The following P3H2 variants were observed in gnomAD, a reference collection of about 807,000 sequenced individuals.
P3H2 encodes the protein leprecan-like 1.
In P3H2, 80 loss-of-function variants were observed where a neutral mutation model predicts 87.0. That is an observed-to-expected ratio of 0.92 (90% CI 0.77 to 1.11). The LOEUF (loss-of-function observed/expected upper bound fraction) is 1.11. P3H2 is among the 50% of genes least tolerant of loss of function. P3H2 has a pLI of 0.00. For synonymous variants in P3H2, 367 were observed against 359.3 expected, an observed-to-expected ratio of 1.02 and a Z score of -0.24; for missense variants, 1,001 against 923.9, an observed-to-expected ratio of 1.08 and a Z score of -1.08.
At position 189,988,824 on chromosome 3, in the gene P3H2, GA is replaced by G; in HGVS notation, c.955+82del. On this transcript the variant is annotated intron_variant, in intron 4 of 14. Coordinates refer to ENST00000319332, the MANE Select transcript of P3H2 (RefSeq NM_018192.4). ...CTTTCATAATAAACTGAAGAAGTCA[GA>G]AAACTCAATTACAAAAATGTGATGT... 2.6e-6 allele frequency: 4 copies of G among 1,538,802 alleles called. No individual in the cohort carries two copies. In the Admixed American group the frequency reaches 6.7e-5, roughly 26 times the overall value.
chr3:190,049,978 T>C (rs1725927606), intron 1 of P3H2, among the ~76,000 whole-genome samples: 1 of 152,070 alleles, frequency 6.6e-6, no homozygotes, highest in Non-Finnish European at 1.5e-5. Context: ...ATTCAAGAGG[T>C]CAACATACTC....
At chr3:190,058,775 G>A (rs1162171998) in intron 1 of P3H2, among the ~76,000 whole-genome samples, 4 of 152,130 alleles carry the variant, frequency 2.6e-5, no homozygotes, top group African/African-American at 9.7e-5. Flanking sequence ...ACAGTGTTCT[G>A]TCCCTGATAA....
rs552793283 is a variant in P3H2 at position 190,117,485 on chromosome 3, T to G, written c.480+2767A>C. Among the ~76,000 whole-genome samples, 483 of 152,218 alleles carry G rather than the reference T, an allele frequency of 3.2e-3. 4 individuals carry two copies. The highest frequency in any genetic ancestry group is 0.011 in the African/African-American group (467 of 41,540). On this transcript the variant is annotated intron_variant, in intron 1 of 14. Coordinates refer to ENST00000319332, the MANE Select transcript of P3H2 (RefSeq NM_018192.4). ...TCTAGTCCAGGATTATCCTTTTAAG[T>G]GCAAACTGGATCACTGATGTCAAAA...
intron 1 of P3H2, among the ~76,000 whole-genome samples, chr3:190,023,018 G>T (rs1218005068): frequency 6.7e-6 from 1 of 148,514 alleles, no homozygotes; most frequent in Admixed American, 6.6e-5. Context: ...AGTAGAGACG[G>T]TGTTTCACCG....
chr3:190,019,884 G>T lies in P3H2; in HGVS notation c.481-24442C>A, dbSNP rs142800225. 4.9e-3 allele frequency among the ~76,000 whole-genome samples: 632 copies of T among 127,684 alleles called. 132 individuals carry two copies. The highest frequency in any genetic ancestry group is 0.011 in the Admixed American group (135 of 12,154). 83.8% of individuals were successfully genotyped at this position (127,684 alleles called of 152,430 possible). A position where few individuals can be genotyped will look rare whatever the true frequency, so the allele number is the denominator to read the frequency against. On this transcript the variant is annotated intron_variant, in intron 1 of 14. Coordinates refer to ENST00000319332, the MANE Select transcript of P3H2 (RefSeq NM_018192.4). Reference sequence around the variant, plus strand: ...AAGTATGTCTTGTCTCCATCCTGATGACAAGGACTTGCCATATGTTTCATG... The same window carrying T: ...AAGTATGTCTTGTCTCCATCCTGATTACAAGGACTTGCCATATGTTTCATG...
chr3:189,971,028 C>A (rs1723163329), intron 12 of P3H2, 137 bp from the exon 13 acceptor site: 3 of 620,830 alleles, frequency 4.8e-6, no homozygotes, highest in African/African-American at 1.8e-5. Flanking sequence ...TATAATTGGT[C>A]CTCCAAACTC....
intron 14 of P3H2, among the ~76,000 whole-genome samples, chr3:189,958,931 C>T (rs1471332126): frequency 6.6e-6 from 1 of 151,850 alleles, no homozygotes; most frequent in Non-Finnish European, 1.5e-5. Context: ...TCAGGTGATC[C>T]ACCCGCCTCG....
chr3:190,096,503 A>G (rs1727592277), intron 1 of P3H2, among the ~76,000 whole-genome samples: 1 of 152,156 alleles, frequency 6.6e-6, no homozygotes, highest in African/African-American at 2.4e-5. Flanking sequence ...AATTGTGTCA[A>G]TTACACCTCT....
At chr3:190,109,117 G>A (rs139232782) in intron 1 of P3H2, among the ~76,000 whole-genome samples, 1 of 152,336 alleles carries the variant, frequency 6.6e-6, no homozygotes, top group African/African-American at 2.4e-5. Flanking sequence ...TCGTGAGACA[G>A]ATATCAGAGT....
intron 1 of P3H2, among the ~76,000 whole-genome samples, chr3:190,099,597 G>A (rs1711549721): frequency 6.6e-6 from 1 of 152,142 alleles, no homozygotes; most frequent in Admixed American, 6.5e-5. Context: ...AACCAAGGTT[G>A]GCTGAAATAA....
chr3:189,959,794 G>A (rs550226668), intron 14 of P3H2, among the ~76,000 whole-genome samples: 1 of 151,418 alleles, frequency 6.6e-6, no homozygotes, highest in South Asian at 2.1e-4. Flanking sequence ...TACTACTCCA[G>A]TCCAAGACCA....
At chr3:190,070,220 T>C (rs1726652920) in intron 1 of P3H2, among the ~76,000 whole-genome samples, 1 of 152,140 alleles carries the variant, frequency 6.6e-6, no homozygotes, top group African/African-American at 2.4e-5. Flanking sequence ...TTTATTATTA[T>C]TGTTATCATT....
At chr3:189,973,854 A>G in intron 10 of P3H2, 55 bp downstream of exon 10, 1 of 1,333,232 alleles carries the variant, frequency 7.5e-7, no homozygotes, top group Non-Finnish European at 1.1e-6. Context: ...TGCCATTTAC[A>G]GAAGCCTTAG....
chr3:190,014,340 A>G (rs1399509175), intron 1 of P3H2, among the ~76,000 whole-genome samples: 2 of 152,252 alleles, frequency 1.3e-5, no homozygotes, highest in African/African-American at 4.8e-5. Flanking sequence ...ATCCACAGGT[A>G]TGGCTACGTG....
At chr3:190,013,043 G>A (rs949711172) in intron 1 of P3H2, among the ~76,000 whole-genome samples, 1 of 152,180 alleles carries the variant, frequency 6.6e-6, no homozygotes, top group Admixed American at 6.5e-5. Flanking sequence ...CTGTTCATAT[G>A]GTTGTTCACG....
chr3:190,034,833 T>TTTTTC (rs1420350235), intron 1 of P3H2, among the ~76,000 whole-genome samples: 23 of 143,090 alleles, frequency 1.6e-4, no homozygotes, highest in African/African-American at 5.5e-4. Flanking sequence ...GCCAAATCGC[T>TTTTTC]TTTTCTTTTC....
chr3:190,086,750 C>T (rs1235162631), intron 1 of P3H2, among the ~76,000 whole-genome samples: 1 of 152,204 alleles, frequency 6.6e-6, no homozygotes. Context: ...AAGAACCATA[C>T]TCTCTGCTAC....
In P3H2 at chr3:189,970,558, A is replaced by C. The variant is rs1723147910; in HGVS notation, c.1893+258T>G. Among the ~76,000 whole-genome samples the C allele has an allele frequency of 2.6e-5, 4 of 151,882 alleles. No individual in the cohort carries two copies. The South Asian group carries it at 8.3e-4, about 31-fold the overall frequency. On this transcript the variant is annotated intron_variant, in intron 13 of 14. Coordinates refer to ENST00000319332, the MANE Select transcript of P3H2 (RefSeq NM_018192.4). ...TTAGAAGACCTAGGTTTTGGTTCCA[A>C]GTCTAACACTAACTAGCTATATGAT... is the stretch of plus-strand genomic sequence containing the variant.
At chr3:190,072,954 A>G (rs1243445740) in intron 1 of P3H2, among the ~76,000 whole-genome samples, 2 of 152,234 alleles carry the variant, frequency 1.3e-5, no homozygotes, top group Non-Finnish European at 2.9e-5. Flanking sequence ...GAAAGTAAAT[A>G]TCATTCTTAA....
Sources: allele counts gnomAD v4.1 joint callset (sites outside exome capture counted in the v4.1 genomes callset), GRCh38; gene constraint gnomAD v4.1.1; transcripts MANE v1.5; gene names NCBI Gene and HGNC (gene_info 2026-07-23, HGNC 2026-07-21).